The following KRT73 variants were observed in gnomAD, a reference collection of about 807,000 sequenced individuals.
KRT73 encodes keratin 73, also known as keratin, type II cytoskeletal 73.
Under a neutral mutation model 47.2 loss-of-function variants are expected in KRT73, and 44 were observed. That is an observed-to-expected ratio of 0.93 (90% CI 0.73 to 1.20). The LOEUF is 1.20. Among genes scored for constraint, KRT73 ranks in the 50% most tolerant of loss-of-function variants. The pLI, the probability that KRT73 is intolerant of heterozygous loss-of-function variation, is 0.00. For missense variants in KRT73, 713 were observed against 704.5 expected, an observed-to-expected ratio of 1.01 and a Z score of -0.14; for synonymous variants, 285 against 291.3, an observed-to-expected ratio of 0.98 and a Z score of 0.22.
rs375270081 is a variant in KRT73, at chr12:52,618,421, C to A, written c.104G>T (p.Gly35Val). 1 of 1,614,150 alleles carries A rather than the reference C, an allele frequency of 6.2e-7. No individual in the cohort carries two copies. The highest frequency in any genetic ancestry group is 8.5e-7 in the Non-Finnish European group (1 of 1,180,030). The change falls in exon 1 of 9, where the codon GGG (glycine) becomes GTG (valine). Residue 35 changes from glycine (G) to valine (V), a missense_variant. Coordinates refer to ENST00000305748, the MANE Select transcript of KRT73 (RefSeq NM_175068.3). Reference protein sequence around the residue: ...SGGSSSSYRAGGKGLSGGFSS... With the variant: ...SGGSSSSYRAVGKGLSGGFSS... Reference sequence around the variant, plus strand: ...GAAGCCTCCACTGAGCCCTTTGCCCCCTGCTCGGTAGGAGGATGAGCTGCC... The same window carrying A: ...GAAGCCTCCACTGAGCCCTTTGCCCACTGCTCGGTAGGAGGATGAGCTGCC...
At chr12:52,618,594 C>A, upstream of KRT73, 1 of 1,486,138 alleles carries the variant, frequency 6.7e-7, no homozygotes, top group Non-Finnish European at 9.0e-7. Context: ...AGCCTGTGAT[C>A]CTGGGCTCCC....
upstream of KRT73, among the ~76,000 whole-genome samples, chr12:52,620,261 C>T (rs1042804747): frequency 2.0e-5 from 3 of 151,832 alleles, no homozygotes; most frequent in East Asian, 1.9e-4. Context: ...TGCAACACCA[C>T]GCCCGGCTAA....
intron 6 of KRT73, 119 bp from the exon 7 acceptor site, chr12:52,610,954 A>G (rs1592242288): frequency 2.1e-6 from 2 of 966,582 alleles, no homozygotes; most frequent in Non-Finnish European, 3.1e-6. Context: ...GCAGAGACCC[A>G]GCCACATCCA....
the KRT73 span, among the ~76,000 whole-genome samples, chr12:52,629,528 T>A: frequency 6.6e-6 from 1 of 152,112 alleles, no homozygotes; most frequent in Admixed American, 6.5e-5. Flanking sequence ...ACACAGCCAA[T>A]GCCTACAGAG....
intron 3 of KRT73, 164 bp from the exon 4 acceptor site, chr12:52,614,838 G>T: frequency 1.7e-6 from 1 of 585,816 alleles, no homozygotes. Flanking sequence ...CAGACTCACT[G>T]CGAAACCTGG....
chr12:52,607,814 G>A lies in KRT73; in HGVS notation c.*382C>T, dbSNP rs1161173079. ...TCTATCAGTAGATCTGAAAACTTGT[G>A]TACCCAGGGAGCACATGGCCAAATA... On this transcript the variant is annotated 3_prime_UTR_variant, in exon 9 of 9. Coordinates refer to ENST00000305748, the MANE Select transcript of KRT73 (RefSeq NM_175068.3). 1.1e-5 allele frequency: 2 copies of A among 176,950 alleles called. No homozygotes were observed. Among genetic ancestry groups the A allele is most frequent in the African/African-American group, 2.4e-5 (1 of 42,302 alleles). 11.0% of individuals were successfully genotyped at this position (176,950 alleles called of 1,614,324 possible).
At chr12:52,614,139 G>T in intron 4 of KRT73, 1 of 385,664 alleles carries the variant, frequency 2.6e-6, no homozygotes, top group East Asian at 4.6e-5. Context: ...GCCACACATG[G>T]GACACTAAGG....
At chr12:52,614,927 CCAGT>C (rs376058575) in intron 3 of KRT73, 145 of 523,646 alleles carry the variant, frequency 2.8e-4, no homozygotes, top group African/African-American at 2.4e-3. Context: ...CCCCACTCAG[CCAGT>C]CATTCAGCCA....
the KRT73 span, among the ~76,000 whole-genome samples, chr12:52,625,444 A>C: frequency 4.1e-3 from 618 of 152,360 alleles, 5 homozygotes; most frequent in African/African-American, 0.014. Flanking sequence ...ATATTACTCA[A>C]CACCTATCAG....
upstream of KRT73, among the ~76,000 whole-genome samples, chr12:52,622,419 C>G (rs967510458): frequency 6.6e-6 from 1 of 152,180 alleles, no homozygotes; most frequent in African/African-American, 2.4e-5. Context: ...GAAGAACCCC[C>G]TCTCCTCCCC....
chr12:52,627,903 A>ATG, the KRT73 span, among the ~76,000 whole-genome samples: 16,619 of 150,956 alleles, frequency 0.11, 2,329 homozygotes, highest in African/African-American at 0.31. Context: ...CAGAATGAAC[A>ATG]TGTGTGTGTG....
At chr12:52,611,140 A>T (rs1227116494) in intron 6 of KRT73, 64 bp downstream of exon 6, 2 of 1,578,562 alleles carry the variant, frequency 1.3e-6, no homozygotes, top group Non-Finnish European at 1.7e-6. Context: ...AGGAGGGGGC[A>T]GGGGGTGCTA....
At chr12:52,625,084 G>C in the KRT73 span, among the ~76,000 whole-genome samples, 1 of 152,038 alleles carries the variant, frequency 6.6e-6, no homozygotes, top group Non-Finnish European at 1.5e-5. Flanking sequence ...CAAGATAAAG[G>C]GTAGGTAAAG....
upstream of KRT73, among the ~76,000 whole-genome samples, chr12:52,622,433 T>C (rs581870): frequency 0.79 from 120,534 of 152,188 alleles, 48,651 homozygotes; most frequent in African/African-American, 0.95. Flanking sequence ...CCTCCCCATA[T>C]ATGCCTACTG....
rs183317632 is a variant in KRT73 at position 52,610,512 on chromosome 12, C to G, written c.1331+103G>C. ...AAACTATGCTTGTGGGTGAAGTAAA[C>G]ACATCGCCAGCTCGCCGCCCCCTCC... On this transcript the variant is annotated intron_variant, in intron 7 of 8. Transcript: ENST00000305748. The G allele has an allele frequency of 1.5e-4, 133 of 878,374 alleles. No individual in the cohort carries two copies. In the African/African-American group the frequency reaches 1.9e-3, roughly 13 times the overall value. 54.4% of individuals were successfully genotyped at this position (878,374 alleles called of 1,614,324 possible).
rs547307736 is a variant in KRT73, at chr12:52,609,490, C to G, written c.1332-209G>C. Among the ~76,000 whole-genome samples, 107 of 152,342 alleles carry G rather than the reference C, an allele frequency of 7.0e-4. 1 individual carries two copies. The highest frequency in any genetic ancestry group is 2.5e-3 in the African/African-American group (106 of 41,580). ...TCTTCCCACTGCAGAGATGTGGAAC[C>G]TGCAACTTTGGAACCCCCAACAACA... On this transcript the variant is annotated intron_variant, in intron 7 of 8. Transcript: ENST00000305748.
chr12:52,618,302 G>A lies in KRT73; in HGVS notation c.223C>T (p.Arg75Trp), dbSNP rs371008201. The A allele has an allele frequency of 2.9e-5, 47 of 1,614,152 alleles. No homozygotes were observed. Among genetic ancestry groups the A allele is most frequent in the South Asian group, 1.1e-4 (10 of 91,070 alleles). ...CCAGCAAAGCCACTGGCCCGGCCCC[G>A]GCCAAATCCATAGCCTCCTGCCCAC... ...SGWAGGYGFG[R>W]GRASGFAGSM... Residue 75 changes from arginine (R) to tryptophan (W), a missense_variant, in exon 1 of 9, where the codon CGG becomes TGG. Arg to Trp is a moderately radical substitution (Grantham distance 101). Coordinates refer to ENST00000305748, the MANE Select transcript of KRT73 (RefSeq NM_175068.3).
chr12:52,609,218 G>C, intron 8 of KRT73, 29 bp downstream of exon 8: 1 of 1,604,768 alleles, frequency 6.2e-7, no homozygotes, highest in Non-Finnish European at 8.5e-7. Context: ...TGGACTAAAA[G>C]TATTCCCTCA....
Position 52,618,448 on chromosome 12 carries a change from C to G in KRT73, c.77G>C (p.Gly26Ala), listed in dbSNP as rs780753670. 3 of 1,613,924 alleles carry G rather than the reference C, an allele frequency of 1.9e-6. No individual in the cohort carries two copies. The highest frequency in any genetic ancestry group is 1.3e-5 in the African/African-American group (1 of 74,932). The change falls in exon 1 of 9, where the codon GGG becomes GCG. Residue 26 changes from glycine to alanine, a missense_variant. By Grantham distance (60) the Gly-to-Ala change is moderately conservative. Transcript: ENST00000305748. ...GFSGCSAVLS[G>A]GSSSSYRAGG... ...TGCTCGGTAGGAGGATGAGCTGCCC[C>G]CTGAGAGCACAGCGGAGCAGCCGCT...
Sources: gnomAD v4.1 joint callset for allele counts (sites outside exome capture counted in the v4.1 genomes callset) on GRCh38, gnomAD v4.1.1 for gene constraint, MANE v1.5 for transcripts, NCBI Gene and HGNC (gene_info 2026-07-23, HGNC 2026-07-21) for gene names.